The following RGS3 variants were observed in gnomAD, a reference collection of about 807,000 sequenced individuals.
RGS3 encodes the protein regulator of G-protein signalling 3.
A neutral mutation model predicts 132.6 loss-of-function variants in RGS3; 80 were observed. That is an observed-to-expected ratio of 0.60 (90% CI 0.50 to 0.73). The LOEUF is 0.73. Among genes scored for constraint, RGS3 ranks in the 30% least tolerant of loss-of-function variants. The pLI is 0.00. For missense variants in RGS3, 1,382 were observed against 1,530.8 expected (o/e 0.90, Z 1.62); for synonymous variants, 598 against 620.6 (o/e 0.96, Z 0.54).
intron 10 of RGS3, among the ~76,000 whole-genome samples, chr9:113,498,512 C>T (rs1830759623): frequency 6.6e-6 from 1 of 152,194 alleles, no homozygotes. Flanking sequence ...GGCTTCAAGT[C>T]TGGAAAGGAG....
chr9:113,459,490 C>G (rs1468153188), upstream of RGS3, among the ~76,000 whole-genome samples: 2 of 152,086 alleles, frequency 1.3e-5, no homozygotes. Flanking sequence ...TGGTTCACGC[C>G]TATAATCCCA....
At chr9:113,515,285 C>A (rs952474608) in intron 15 of RGS3, among the ~76,000 whole-genome samples, 2 of 152,110 alleles carry the variant, frequency 1.3e-5, no homozygotes, top group Non-Finnish European at 2.9e-5. Context: ...TGCACTCCAG[C>A]CTCTTCTTCT....
At chr9:113,511,934 A>G (rs562994540) in intron 14 of RGS3, among the ~76,000 whole-genome samples, 3 of 152,186 alleles carry the variant, frequency 2.0e-5, no homozygotes, top group South Asian at 4.1e-4. Context: ...AGCCCTGCCT[A>G]TCCTTCTACT....
exon 15 of RGS3, chr9:113,514,582 T>C (rs768207277): frequency 2.5e-6 from 4 of 1,614,144 alleles, no homozygotes; most frequent in South Asian, 1.1e-5. Flanking sequence ...TGAGGCCGCA[T>C]GCCACGCACT....
chr9:113,536,830 C>T lies in RGS3; in HGVS notation c.1949C>T (p.Ser650Leu), dbSNP rs1330014191. 3 of 1,614,008 alleles carry T rather than the reference C, an allele frequency of 1.9e-6. No individual in the cohort carries two copies. In the African/African-American group the frequency reaches 4.0e-5, roughly 22 times the overall value. ...TGCTTATTCACTTTGGAAGCGCACTCGCAGGAGCAGAAGAAGAGAGTGTGC... is the reference window on the plus strand; with the variant it reads ...TGCTTATTCACTTTGGAAGCGCACTTGCAGGAGCAGAAGAAGAGAGTGTGC... Residue 650 changes from serine to leucine, a missense_variant, in exon 19 of 25, where the codon TCG becomes TTG. By Grantham distance (145) the Ser-to-Leu change is moderately radical. Transcript: ENST00000350696.
At chr9:113,581,022 GGGGGTGGGTC>G in intron 19 of RGS3, 1 of 969,294 alleles carries the variant, frequency 1.0e-6, no homozygotes, top group Non-Finnish European at 1.2e-6. Context: ...GGCTGGGCCA[GGGGGTGGGTC>G]GGGGGGAGGT....
intron 18 of RGS3, among the ~76,000 whole-genome samples, chr9:113,536,092 T>C (rs1467486470): frequency 6.6e-6 from 1 of 152,140 alleles, no homozygotes; most frequent in African/African-American, 2.4e-5. Context: ...TGTAGTTTAG[T>C]TGGGGAGACG....
At chr9:113,567,009 C>G (rs1834042696) in intron 19 of RGS3, among the ~76,000 whole-genome samples, 1 of 152,262 alleles carries the variant, frequency 6.6e-6, no homozygotes, top group Non-Finnish European at 1.5e-5. Context: ...CAACAGGGCT[C>G]ACTGCAAGCC....
At chr9:113,530,699 G>A (rs568208110) in intron 18 of RGS3, among the ~76,000 whole-genome samples, 9 of 152,332 alleles carry the variant, frequency 5.9e-5, no homozygotes, top group Non-Finnish European at 8.8e-5. Flanking sequence ...GATCTGTGAC[G>A]TGCTGGCTTC....
At chr9:113,498,163 G>A (rs1405205347) in intron 10 of RGS3, 83 bp downstream of exon 8, 1 of 1,214,016 alleles carries the variant, frequency 8.2e-7, no homozygotes, top group Non-Finnish European at 1.2e-6. Context: ...CCCCTAAAGG[G>A]GCAGCATTTG....
chr9:113,517,756 G>T, intron 16 of RGS3, 132 bp downstream of exon 14: 1 of 637,684 alleles, frequency 1.6e-6, no homozygotes, highest in East Asian at 2.8e-5. Flanking sequence ...GACCTGAGAA[G>T]GACCCCGCCA....
At chr9:113,471,440 C>G (rs1199958274) in intron 3 of RGS3, among the ~76,000 whole-genome samples, 8 of 152,282 alleles carry the variant, frequency 5.3e-5, no homozygotes, top group Non-Finnish European at 2.9e-5. Context: ...GGTAGCTCCT[C>G]TCTCTCTTGT....
intron 1 of RGS3, among the ~76,000 whole-genome samples, chr9:113,452,382 A>G (rs1006839664): frequency 6.8e-6 from 1 of 147,868 alleles, no homozygotes; most frequent in African/African-American, 2.5e-5. Flanking sequence ...GTCTGATGTC[A>G]TTCTTATTTT....
At chr9:113,466,906 A>G (rs1829661461) in intron 3 of RGS3, among the ~76,000 whole-genome samples, 1 of 152,162 alleles carries the variant, frequency 6.6e-6, no homozygotes. Context: ...GCCCAAAGCA[A>G]TTGCTAATCT....
In RGS3 at chr9:113,507,226, A is replaced by T; in HGVS notation, c.1086-61A>T. ...TATCCTCTCTGCCCTGTGGGCCCTCACTCTGGCTGATACTGGCTTTCCCCA... is the reference window on the plus strand; with the variant it reads ...TATCCTCTCTGCCCTGTGGGCCCTCTCTCTGGCTGATACTGGCTTTCCCCA... On this transcript the variant is annotated intron_variant, in intron 12 of 24. Transcript: ENST00000350696. The surrounding 1 kb of genome is among the most constrained non-coding windows in gnomAD (Gnocchi z 5.0). 1 of 1,394,062 alleles carries T rather than the reference A, an allele frequency of 7.2e-7. No individual in the cohort carries two copies. The highest frequency in any genetic ancestry group is 9.9e-7 in the Non-Finnish European group (1 of 1,014,444). 86.4% of individuals were successfully genotyped at this position (1,394,062 alleles called of 1,614,324 possible). A position where few individuals can be genotyped will look rare whatever the true frequency, so the allele number is the denominator to read the frequency against.
At chr9:113,593,935 C>T (rs1282123475) in intron 21 of RGS3, 3 of 1,610,490 alleles carry the variant, frequency 1.9e-6, no homozygotes, top group African/African-American at 1.3e-5. Flanking sequence ...AACGAGGAGG[C>T]CAGTCACAAA....
At position 113,537,420 on chromosome 9, in the gene RGS3, C is replaced by G. The variant is rs1320227215; in HGVS notation, c.2037+502C>G. On this transcript the variant is annotated intron_variant, in intron 19 of 24. Coordinates refer to ENST00000350696, the Ensembl canonical transcript of RGS3. This position sits in a 1 kb window ranked among gnomAD's most constrained non-coding sequence, Gnocchi z 4.3. Reference sequence around the variant, plus strand: ...CTGCTGGGGTCTGGGGACTGGCTGGCAGGAGCACCGGGGAAGATTAGAGAC... The same window carrying G: ...CTGCTGGGGTCTGGGGACTGGCTGGGAGGAGCACCGGGGAAGATTAGAGAC... 2.0e-5 allele frequency among the ~76,000 whole-genome samples: 3 copies of G among 152,242 alleles called. No individual in the cohort carries two copies. The highest frequency in any genetic ancestry group is 7.2e-5 in the African/African-American group (3 of 41,542).
rs1042720521 is a variant in RGS3, at chr9:113,521,450, A to G, written c.1759-1480A>G. Reference sequence around the variant, plus strand: ...GAGTGAGGAGTGTGGCATCTTAACTATTTTAAAAATGTATAACTATAGAGA... The same window carrying G: ...GAGTGAGGAGTGTGGCATCTTAACTGTTTTAAAAATGTATAACTATAGAGA... On this transcript the variant is annotated intron_variant, in intron 16 of 24. Transcript: ENST00000350696. 2.0e-5 allele frequency among the ~76,000 whole-genome samples: 3 copies of G among 152,364 alleles called. No individual in the cohort carries two copies. In the South Asian group the frequency reaches 6.2e-4, roughly 32 times the overall value.
Position 113,473,472 on chromosome 9 carries a change from T to A in RGS3, c.416-6019T>A, listed in dbSNP as rs533825239. On this transcript the variant is annotated intron_variant, in intron 3 of 24. Coordinates refer to ENST00000350696, the Ensembl canonical transcript of RGS3. ...ATCATGGCTCACTACAGCCTCAACC[T>A]CCTGGGCTCCAGTGATCCTCCCACC... Among the ~76,000 whole-genome samples the A allele has an allele frequency of 3.3e-5, 5 of 152,308 alleles. No individual in the cohort carries two copies. The South Asian group carries it at 1.0e-3, about 32-fold the overall frequency.
Sources: gnomAD v4.1 joint callset for allele counts (sites outside exome capture counted in the v4.1 genomes callset) on GRCh38, gnomAD v4.1.1 for gene constraint, Gnocchi (gnomAD v3.1) non-coding constraint, MANE v1.5 for transcripts, NCBI Gene and HGNC (gene_info 2026-07-23, HGNC 2026-07-21) for gene names.